Variants in SARS2 observed in about 807,000 individuals in gnomAD.
SARS2 encodes serine--tRNA ligase, mitochondrial.
A neutral mutation model predicts 66.8 loss-of-function variants in SARS2; 52 were observed. That is an observed-to-expected ratio of 0.78 (90% CI 0.62 to 0.98). The LOEUF is 0.98. Ranked by LOEUF, SARS2 falls within the 50% of genes least tolerant of loss-of-function variation. The pLI is 0.00. For synonymous variants in SARS2, 306 were observed against 281.4 expected (o/e 1.09, Z -0.87); for missense variants, 673 against 706.3 (o/e 0.95, Z 0.53).
chr19:38,919,859 G>C lies in SARS2; in HGVS notation c.662C>G (p.Ser221Cys). The C allele has an allele frequency of 6.2e-7, 1 of 1,613,976 alleles. No individual in the cohort carries two copies. Among genetic ancestry groups the C allele is most frequent in the East Asian group, 2.2e-5 (1 of 44,874 alleles). Residue 221 changes from serine to cysteine, a missense_variant, in exon 7 of 16, where the codon TCC becomes TGC. By Grantham distance (112) the Ser-to-Cys change is moderately radical. Coordinates refer to ENST00000221431, the MANE Select transcript of SARS2 (RefSeq NM_017827.4). ...ATAGGACCGGTGGCCAGACACGTGG[G>C]ACAGGCGCCTGGGAGACAGACAGAC... Reference protein sequence around the residue: ...KLDIIRQKRLSHVSGHRSYYL... With the variant: ...KLDIIRQKRLCHVSGHRSYYL...
chr19:38,921,338 C>T, intron 5 of SARS2, 54 bp downstream of exon 5: 1 of 1,600,518 alleles, frequency 6.2e-7, no homozygotes, highest in Admixed American at 1.7e-5. Context: ...CCCGAGACCC[C>T]AGAACCCCCA....
At chr19:38,919,891 G>T in intron 6 of SARS2, 24 bp from the exon 7 acceptor site, 1 of 1,593,212 alleles carries the variant, frequency 6.3e-7, no homozygotes. Flanking sequence ...AGACAGGCGG[G>T]TGCACATGGG....
chr19:38,927,591 AAT>A (rs1233188122), intron 1 of SARS2, among the ~76,000 whole-genome samples: 1 of 151,940 alleles, frequency 6.6e-6, no homozygotes, highest in Non-Finnish European at 1.5e-5. Flanking sequence ...AAAAAAAAAA[AAT>A]TTATTATTTT....
Position 38,920,074 on chromosome 19 carries a change from G to T in SARS2, c.653+12C>A. The T allele has an allele frequency of 6.4e-7, 1 of 1,557,586 alleles. No homozygotes were observed. On this transcript the variant is annotated intron_variant, in intron 6 of 15. Coordinates refer to ENST00000221431, the MANE Select transcript of SARS2 (RefSeq NM_017827.4). The stretch of plus-strand genomic sequence containing the variant: ...TGGGAGAGGGGCGTGGGGAGCCAGG[G>T]GAGGGGCTCACTTCTGACGGATGAT...
In SARS2 at chr19:38,920,760, G is replaced by A. The variant is rs537630886; in HGVS notation, c.590-611C>T. Among the ~76,000 whole-genome samples the A allele has an allele frequency of 7.4e-5, 11 of 147,970 alleles. No homozygotes were observed. The East Asian group carries it at 2.2e-3, about 30-fold the overall frequency. The stretch of plus-strand genomic sequence containing the variant: ...ACACAGATACACAGACACAGATACA[G>A]ACATACACACAGAGATACACGGAGA... On this transcript the variant is annotated intron_variant, in intron 5 of 15. Coordinates refer to ENST00000221431, the MANE Select transcript of SARS2 (RefSeq NM_017827.4).
rs180738078 is a variant in SARS2 at position 38,921,808 on chromosome 19, G to C, written c.394-141C>G. 3.4e-4 allele frequency: 464 copies of C among 1,366,694 alleles called. 7 individuals carry two copies. In the Admixed American group the frequency reaches 9.0e-3, roughly 27 times the overall value. The allele number at this position is 1,366,694 out of a possible 1,614,324, so 84.7% of individuals were successfully genotyped here. A position where few individuals can be genotyped will look rare whatever the true frequency, so the allele number is the denominator to read the frequency against. ...GCCCAGGATCCTGAACGTCTTCGCA[G>C]AACTTCCCTTACCACCACATGGCAG... On this transcript the variant is annotated intron_variant, in intron 3 of 15. Transcript: ENST00000221431.
At position 38,930,512 on chromosome 19, in the gene SARS2, C is replaced by A; in HGVS notation, c.225G>T (p.Glu75Asp). ...ACPEEAAHAL[E>D]LRKGELRSAD... ...CCGAGCGCAGCTCCCCCTTGCGGAG[C>A]TCCAGGGCGTGTGCGGCCTCTTCTG... The change falls in exon 1 of 16, where the codon GAG becomes GAT. Residue 75 changes from glutamate (E) to aspartate (D), a missense_variant. Glu to Asp is a conservative substitution (Grantham distance 45, BLOSUM62 2). Coordinates refer to ENST00000221431, the MANE Select transcript of SARS2 (RefSeq NM_017827.4). 1 of 1,612,380 alleles carries A rather than the reference C, an allele frequency of 6.2e-7. No homozygotes were observed. Among genetic ancestry groups the A allele is most frequent in the Non-Finnish European group, 8.5e-7 (1 of 1,179,634 alleles).
chr19:38,918,197 G>A, intron 9 of SARS2, 58 bp from the exon 10 acceptor site: 3 of 1,540,068 alleles, frequency 1.9e-6, no homozygotes, highest in Non-Finnish European at 2.6e-6. Flanking sequence ...GAAGCCTTTG[G>A]AAGATTAAGA....
In SARS2 at chr19:38,917,979, G is replaced by A; in HGVS notation, c.992C>T (p.Ala331Val). The A allele has an allele frequency of 6.2e-7, 1 of 1,605,404 alleles. No homozygotes were observed. Among genetic ancestry groups the A allele is most frequent in the Non-Finnish European group, 8.5e-7 (1 of 1,175,738 alleles). The change falls in exon 11 of 16, where the codon GCA (alanine) becomes GTA (valine). Residue 331 changes from alanine to valine, a missense_variant. By Grantham distance (64) the Ala-to-Val change is moderately conservative (BLOSUM62 0). Transcript: ENST00000221431. ...GGGTTCCTGTCCCGTGTTTGTCTCT[G>A]CCCGGTAGCAGGTGCTGGAGCAAAC... is the stretch of plus-strand genomic sequence containing the variant. ...RMVCSSTCYR[A>V]ETNTGQEPRG...
chr19:38,915,511 G>T lies in SARS2; in HGVS notation c.*95C>A. On this transcript the variant is annotated 3_prime_UTR_variant, in exon 16 of 16. Transcript: ENST00000221431. ...TGGAGCTGACAGGAAGAACACAGAT[G>T]TCAGGACGGGCTCAGCAACACAGGT... The T allele has an allele frequency of 6.8e-7, 1 of 1,478,168 alleles. No individual in the cohort carries two copies. The highest frequency in any genetic ancestry group is 9.3e-7 in the Non-Finnish European group (1 of 1,080,298). 91.6% of individuals were successfully genotyped at this position (1,478,168 alleles called of 1,614,324 possible).
At chr19:38,928,377 T>TA (rs1974665082) in intron 1 of SARS2, 1 of 141,100 alleles carries the variant, frequency 7.1e-6, no homozygotes, top group Non-Finnish European at 1.5e-5. Context: ...GACTCAGTCT[T>TA]AAAAAACAAA....
rs1974393240 is a variant in SARS2, at chr19:38,915,509, ATGTCAGGACGGGCTCAGCAACACAGG to A, written c.*71_*96del. ...CGTGGAGCTGACAGGAAGAACACAGATGTCAGGACGGGCTCAGCAACACAGGTCCCAGGTGTCCGGGGTCTCCTGAA... is the reference window on the plus strand; with the variant it reads ...CGTGGAGCTGACAGGAAGAACACAGATCCCAGGTGTCCGGGGTCTCCTGAA... On this transcript the variant is annotated 3_prime_UTR_variant, in exon 16 of 16. Transcript: ENST00000221431. 6.9e-7 allele frequency: 1 copy of A among 1,448,998 alleles called. No individual in the cohort carries two copies. Among genetic ancestry groups the A allele is most frequent in the Non-Finnish European group, 9.5e-7 (1 of 1,055,966 alleles). The allele number at this position is 1,448,998 out of a possible 1,614,324, so 89.8% of individuals were successfully genotyped here. A position where few individuals can be genotyped will look rare whatever the true frequency, so the allele number is the denominator to read the frequency against.
intron 3 of SARS2, 157 bp from the exon 4 acceptor site, chr19:38,921,824 C>T (rs558890107): frequency 6.0e-6 from 8 of 1,327,142 alleles, no homozygotes; most frequent in East Asian, 5.0e-5. Context: ...CCCTTACCAC[C>T]ACATGGCAGG....
Position 38,921,539 on chromosome 19 carries a change from G to C in SARS2, c.522C>G (p.Thr174=). ...GCACGGTGCTCACCACGTCTGGGTG[G>C]GTCTGGTTGGGCAGCTTCAGCGCCT... is the stretch of plus-strand genomic sequence containing the variant. ...YLQALKLPNQ[T]HPDVPVGDES... The change falls in exon 4 of 16, where the codon ACC becomes ACG. Residue 174 remains threonine, a synonymous_variant. Coordinates refer to ENST00000221431, the MANE Select transcript of SARS2 (RefSeq NM_017827.4). 6.2e-7 allele frequency: 1 copy of C among 1,614,192 alleles called. No individual in the cohort carries two copies. The highest frequency in any genetic ancestry group is 8.5e-7 in the Non-Finnish European group (1 of 1,180,016).
intron 7 of SARS2, 125 bp from the exon 8 acceptor site, chr19:38,918,938 G>C: frequency 3.2e-6 from 3 of 923,346 alleles, no homozygotes; most frequent in Non-Finnish European, 5.1e-6. Flanking sequence ...GGCTGGCGCA[G>C]TGGCTCACCC....
intron 14 of SARS2, 28 bp downstream of exon 14, chr19:38,916,009 C>T (rs571004967): frequency 4.7e-5 from 76 of 1,612,534 alleles, no homozygotes; most frequent in Non-Finnish European, 6.0e-5. Context: ...GGCGAGGGCA[C>T]GCGGGCAGGA....
intron 8 of SARS2, 38 bp from the exon 9 acceptor site, chr19:38,918,568 G>T: frequency 6.6e-7 from 1 of 1,524,988 alleles, no homozygotes; most frequent in South Asian, 1.1e-5. Flanking sequence ...TCAGGGGACA[G>T]GTAACCCTGG....
chr19:38,926,200 C>G lies in SARS2; in HGVS notation c.363+5G>C, dbSNP rs772023315. ...CTCCCCACCTACTCAGGGCACCATG[C>G]TCACCAGCAGGGCCCGCACTGCCTC... On this transcript the variant is annotated splice_donor_5th_base_variant and intron_variant, in intron 2 of 15. Transcript: ENST00000221431. 1.2e-6 allele frequency: 2 copies of G among 1,604,652 alleles called. No homozygotes were observed. The highest frequency in any genetic ancestry group is 1.7e-5 in the Admixed American group (1 of 60,028).
At chr19:38,916,001 C>A (rs897804837) in intron 14 of SARS2, 36 bp downstream of exon 14, 1 of 1,612,170 alleles carries the variant, frequency 6.2e-7, no homozygotes, top group South Asian at 1.1e-5. Context: ...AGGCTGCGGG[C>A]GAGGGCACGC....
Sources: allele counts gnomAD v4.1 joint callset (sites outside exome capture counted in the v4.1 genomes callset), GRCh38; gene constraint gnomAD v4.1.1; transcripts MANE v1.5; gene names NCBI Gene and HGNC (gene_info 2026-07-23, HGNC 2026-07-21).